Variants in GALNTL6 observed in about 807,000 individuals in gnomAD.
GALNTL6 encodes polypeptide N-acetylgalactosaminyltransferase-like 6.
In GALNTL6, 46 loss-of-function variants were observed where a neutral mutation model predicts 73.7. That is an observed-to-expected ratio of 0.62 (90% CI 0.49 to 0.80). GALNTL6 has a LOEUF of 0.80. GALNTL6 is among the 30% of genes least tolerant of loss of function. GALNTL6 has a pLI of 0.00. For missense variants in GALNTL6, 604 were observed against 755.0 expected (o/e 0.80, Z 2.34); for synonymous variants, 259 against 263.7 (o/e 0.98, Z 0.17).
intron 9 of GALNTL6, among the ~76,000 whole-genome samples, chr4:172,951,061 A>G (rs1749419616): frequency 6.6e-6 from 1 of 152,212 alleles, no homozygotes; most frequent in South Asian, 2.1e-4. Context: ...CCTAAAGGCC[A>G]CAGAAGAGTT....
At chr4:172,421,858 T>C (rs1731061821) in intron 5 of GALNTL6, among the ~76,000 whole-genome samples, 3 of 152,134 alleles carry the variant, frequency 2.0e-5, no homozygotes, top group Non-Finnish European at 4.4e-5. Context: ...ATAGTTGTCA[T>C]GTTTATAAAT....
chr4:172,750,159 G>A (rs968226375), intron 5 of GALNTL6, among the ~76,000 whole-genome samples: 4 of 152,058 alleles, frequency 2.6e-5, no homozygotes, highest in African/African-American at 4.8e-5. Context: ...TAATACTTCT[G>A]TATATTTGTC....
At chr4:172,305,465 ATTGAT>A (rs1407277006) in intron 3 of GALNTL6, among the ~76,000 whole-genome samples, 9 of 152,168 alleles carry the variant, frequency 5.9e-5, no homozygotes, top group Non-Finnish European at 8.8e-5. Context: ...AAGATGCTGT[ATTGAT>A]TTTACATTTG....
chr4:171,844,302 T>A (rs192546108), intron 2 of GALNTL6, among the ~76,000 whole-genome samples: 70 of 152,254 alleles, frequency 4.6e-4, no homozygotes, highest in African/African-American at 1.4e-3. Context: ...TATGGTTAAC[T>A]TTGCTACCAT....
intron 2 of GALNTL6, among the ~76,000 whole-genome samples, chr4:171,910,439 T>C (rs1193698420): frequency 6.6e-6 from 1 of 152,094 alleles, no homozygotes; most frequent in East Asian, 1.9e-4. Context: ...ATTATCCTTA[T>C]TCTTTTGACG....
chr4:171,871,667 TAGTGACACCTA>T (rs1410854500), intron 2 of GALNTL6, among the ~76,000 whole-genome samples: 1 of 152,166 alleles, frequency 6.6e-6, no homozygotes, highest in Non-Finnish European at 1.5e-5. Context: ...ACCATTAAAA[TAGTGACACCTA>T]TATAAATTAT....
intron 2 of GALNTL6, among the ~76,000 whole-genome samples, chr4:172,198,028 G>A (rs893262551): frequency 9.9e-5 from 15 of 152,070 alleles, no homozygotes; most frequent in African/African-American, 2.7e-4. Flanking sequence ...GGAGAATGGC[G>A]TGAACCCAGG....
chr4:172,712,619 T>C (rs1734779682), intron 5 of GALNTL6, among the ~76,000 whole-genome samples: 1 of 152,182 alleles, frequency 6.6e-6, no homozygotes, highest in South Asian at 2.1e-4. Flanking sequence ...GATCACCTCA[T>C]TTTGATGTAA....
chr4:172,405,228 A>T (rs1409423717), intron 5 of GALNTL6, among the ~76,000 whole-genome samples: 1 of 151,484 alleles, frequency 6.6e-6, no homozygotes, highest in African/African-American at 2.4e-5. Flanking sequence ...ATTCTTGACA[A>T]CTGAGTTCTC....
At chr4:172,068,617 C>T (rs1339385563) in intron 2 of GALNTL6, among the ~76,000 whole-genome samples, 1 of 109,818 alleles carries the variant, frequency 9.1e-6, no homozygotes, top group East Asian at 2.1e-4. Flanking sequence ...CCTCCAGTCG[C>T]TCTTTATTCC....
intron 3 of GALNTL6, among the ~76,000 whole-genome samples, chr4:172,290,552 G>A (rs1483118983): frequency 6.6e-6 from 1 of 151,824 alleles, no homozygotes; most frequent in Non-Finnish European, 1.5e-5. Context: ...TAATACATTG[G>A]CTCTCCAAGT....
At chr4:172,253,187 T>G (rs1443165918) in intron 3 of GALNTL6, among the ~76,000 whole-genome samples, 1 of 151,948 alleles carries the variant, frequency 6.6e-6, no homozygotes. Flanking sequence ...AAAATGGCAG[T>G]AAACAATGTA....
At chr4:171,894,957 T>A (rs1316758669) in intron 2 of GALNTL6, among the ~76,000 whole-genome samples, 1 of 152,160 alleles carries the variant, frequency 6.6e-6, no homozygotes, top group Admixed American at 6.5e-5. Flanking sequence ...AATGACATCA[T>A]AATAGAAATG....
At chr4:172,254,704 A>G (rs1027343905) in intron 3 of GALNTL6, among the ~76,000 whole-genome samples, 4 of 151,776 alleles carry the variant, frequency 2.6e-5, no homozygotes, top group Admixed American at 6.6e-5. Context: ...TTAAACAGAC[A>G]TACATTTTAG....
At chr4:172,923,165 A>G (rs1023075024) in intron 8 of GALNTL6, among the ~76,000 whole-genome samples, 3 of 152,212 alleles carry the variant, frequency 2.0e-5, no homozygotes, top group African/African-American at 7.2e-5. Context: ...CTGCTGATAA[A>G]GACATACCCG....
intron 10 of GALNTL6, among the ~76,000 whole-genome samples, chr4:172,990,843 CAA>C (rs887222881): frequency 6.6e-6 from 1 of 152,124 alleles, no homozygotes; most frequent in Admixed American, 6.5e-5. Context: ...AGGAATCTTA[CAA>C]AGTTTTGAAG....
intron 5 of GALNTL6, among the ~76,000 whole-genome samples, chr4:172,698,240 C>T (rs1733807318): frequency 6.6e-6 from 1 of 152,054 alleles, no homozygotes; most frequent in Admixed American, 6.6e-5. Context: ...TCGTGTCTTT[C>T]TGAGCCTGCC....
intron 3 of GALNTL6, among the ~76,000 whole-genome samples, chr4:172,302,379 C>T (rs1178146103): frequency 6.6e-6 from 1 of 152,150 alleles, no homozygotes; most frequent in Non-Finnish European, 1.5e-5. Flanking sequence ...CACTGTTCTT[C>T]CCCCACTGTC....
intron 2 of GALNTL6, among the ~76,000 whole-genome samples, chr4:171,855,603 T>C (rs1735666725): frequency 6.6e-6 from 1 of 152,236 alleles, no homozygotes; most frequent in Admixed American, 6.5e-5. Flanking sequence ...TTTGTATATA[T>C]GTAAGTTTTT....
Sources: gnomAD v4.1 joint callset for allele counts (sites outside exome capture counted in the v4.1 genomes callset) on GRCh38, gnomAD v4.1.1 for gene constraint, MANE v1.5 for transcripts, NCBI Gene and HGNC (gene_info 2026-07-23, HGNC 2026-07-21) for gene names.